DNAH12: variants seen among roughly 807,000 people sequenced by gnomAD.
The protein encoded by DNAH12 is dynein axonemal heavy chain 12.
Under a neutral mutation model 371.5 loss-of-function variants are expected in DNAH12, and 285 were observed. That is an observed-to-expected ratio of 0.77 (90% CI 0.70 to 0.85). DNAH12 has a LOEUF of 0.85. Among genes scored for constraint, DNAH12 ranks in the 40% least tolerant of loss-of-function variants. The pLI, the probability that DNAH12 is intolerant of heterozygous loss-of-function variation, is 0.00. For missense variants in DNAH12, 3,611 were observed against 3,689.4 expected (o/e 0.98, Z 0.55); for synonymous variants, 1,200 against 1,213.0 (o/e 0.99, Z 0.22).
chr3:57,315,103 G>A (rs904627235), intron 65 of DNAH12, among the ~76,000 whole-genome samples: 3 of 151,994 alleles, frequency 2.0e-5, no homozygotes, highest in African/African-American at 7.2e-5. Flanking sequence ...TATTTGATCT[G>A]CTTTGTGGCA....
rs1486011941 is a variant in DNAH12, at chr3:57,433,711, T to A, written c.4773A>T (p.Arg1591Ser). 27 of 1,551,430 alleles carry A rather than the reference T, an allele frequency of 1.7e-5. No individual in the cohort carries two copies. The highest frequency in any genetic ancestry group is 2.4e-5 in the Non-Finnish European group (27 of 1,146,940). Reference sequence around the variant, plus strand: ...TAGTAATAGATTTGGGGTTTACAGTTCTATAAATGACCTTTTCTTCCTCTC... The same window carrying A: ...TAGTAATAGATTTGGGGTTTACAGTACTATAAATGACCTTTTCTTCCTCTC... ...GYGEEEKVIY[R>S]TVNPKSITMG... is the part of the protein sequence containing the mutation. Residue 1591 changes from arginine to serine, a missense_variant, in exon 31 of 74, where the codon AGA (arginine) becomes AGT (serine). Transcript: ENST00000495027.
chr3:57,390,577 A>AT (rs1369221529), intron 45 of DNAH12, among the ~76,000 whole-genome samples: 5 of 148,360 alleles, frequency 3.4e-5, no homozygotes, highest in African/African-American at 7.4e-5. Flanking sequence ...ACCAGAAACT[A>AT]TTTTTTTTCT....
In DNAH12 at chr3:57,413,775, T is replaced by C. The variant is rs1553683749; in HGVS notation, c.5991A>G (p.Leu1997=). ...EKYGAQPPIE[L]LRQFFDCGHW... ...GTCCACAGTCAAAAAACTGTCGTAATAATTCAATAGGTGGTTGAGCTCCAT... is the reference window on the plus strand; with the variant it reads ...GTCCACAGTCAAAAAACTGTCGTAACAATTCAATAGGTGGTTGAGCTCCAT... Residue 1997 remains leucine, a synonymous_variant, in exon 39 of 74, where the codon TTA becomes TTG. Coordinates refer to ENST00000495027, the MANE Select transcript of DNAH12 (RefSeq NM_001366028.2). The C allele has an allele frequency of 2.6e-6, 4 of 1,551,074 alleles. No individual in the cohort carries two copies. The highest frequency in any genetic ancestry group is 1.2e-5 in the South Asian group (1 of 83,908).
intron 20 of DNAH12, 132 bp from the exon 21 acceptor site, chr3:57,458,352 A>C (rs1292093097): frequency 8.2e-7 from 1 of 1,214,022 alleles, no homozygotes; most frequent in African/African-American, 1.6e-5. Context: ...AGGTTTATAA[A>C]ATTTGCAATG....
chr3:57,302,577 T>A (rs1377071634), intron 69 of DNAH12, among the ~76,000 whole-genome samples: 19 of 90,418 alleles, frequency 2.1e-4, no homozygotes, highest in African/African-American at 6.9e-4. Flanking sequence ...ATTTTTTTTT[T>A]TTTTTTTTTT....
intron 62 of DNAH12, among the ~76,000 whole-genome samples, chr3:57,325,479 CT>C (rs1372822184): frequency 1.3e-5 from 2 of 152,200 alleles, no homozygotes; most frequent in Non-Finnish European, 2.9e-5. Context: ...GAGTGGACCT[CT>C]AGCAAACTCC....
At chr3:57,391,794 A>G (rs2063628826) in intron 45 of DNAH12, 78 bp downstream of exon 45, 1 of 152,196 alleles carries the variant, frequency 6.6e-6, no homozygotes, top group Non-Finnish European at 1.5e-5. Context: ...AATGTATATT[A>G]ATAAAGTTTT....
At chr3:57,404,788 T>C (rs1002924169) in intron 42 of DNAH12, among the ~76,000 whole-genome samples, 181 bp downstream of exon 42, 2 of 152,186 alleles carry the variant, frequency 1.3e-5, no homozygotes, top group Non-Finnish European at 2.9e-5. Context: ...CAGGATGCAG[T>C]GAGACAGGGT....
Position 57,485,814 on chromosome 3 carries a change from G to A in DNAH12, c.1515-2303C>T, listed in dbSNP as rs879335315. On this transcript the variant is annotated intron_variant, in intron 12 of 73. Transcript: ENST00000495027. ...GCAAAAGAGTAATATAATGGACTTCGGGGACTCGGTGTGGGGAAGGCTGAG... is the reference window on the plus strand; with the variant it reads ...GCAAAAGAGTAATATAATGGACTTCAGGGACTCGGTGTGGGGAAGGCTGAG... Among the ~76,000 whole-genome samples, 8 of 152,122 alleles carry A rather than the reference G, an allele frequency of 5.3e-5. 1 individual carries two copies. The highest frequency in any genetic ancestry group is 4.1e-4 in the South Asian group (2 of 4,826).
chr3:57,393,102 CT>C (rs2063659804), intron 44 of DNAH12, among the ~76,000 whole-genome samples: 1 of 152,148 alleles, frequency 6.6e-6, no homozygotes, highest in South Asian at 2.1e-4. Flanking sequence ...TACATAAGTG[CT>C]TTATTTTGTT....
At chr3:57,381,660 G>A (rs931448543) in intron 50 of DNAH12, among the ~76,000 whole-genome samples, 3 of 151,774 alleles carry the variant, frequency 2.0e-5, no homozygotes, top group Admixed American at 2.0e-4. Flanking sequence ...CTGCTAGTGG[G>A]GTCCGGATTT....
chr3:57,443,336 C>T (rs1298134938), intron 29 of DNAH12, among the ~76,000 whole-genome samples: 5 of 152,122 alleles, frequency 3.3e-5, no homozygotes, highest in African/African-American at 1.2e-4. Flanking sequence ...TCTCAAACTC[C>T]TGATCCCAGG....
At position 57,502,553 on chromosome 3, in the gene DNAH12, T is replaced by TTC. The variant is rs67799624; in HGVS notation, c.1087-75_1087-74insGA. The TTC allele has an allele frequency of 1.4e-4, 185 of 1,321,130 alleles. 1 individual carries two copies. In the African/African-American group the frequency reaches 3.0e-3, roughly 21 times the overall value. 81.8% of individuals were successfully genotyped at this position (1,321,130 alleles called of 1,614,324 possible). A position where few individuals can be genotyped will look rare whatever the true frequency, so the allele number is the denominator to read the frequency against. On this transcript the variant is annotated intron_variant, in intron 9 of 73. Transcript: ENST00000495027. ...TATAATTAATCTATATGTAGATCTT[T>TTC]TTTTTTTTCCTTTGGAGACGGAGTC...
At chr3:57,515,535 A>G (rs536724518) in intron 4 of DNAH12, among the ~76,000 whole-genome samples, 4 of 152,248 alleles carry the variant, frequency 2.6e-5, no homozygotes, top group Non-Finnish European at 2.9e-5. Context: ...GCTTGAGCCC[A>G]GGAGTTCAAG....
chr3:57,529,390 G>A (rs1208651087), intron 2 of DNAH12, among the ~76,000 whole-genome samples: 2 of 152,074 alleles, frequency 1.3e-5, no homozygotes, highest in African/African-American at 2.4e-5. Context: ...GCTGGAAGAC[G>A]TTTTATTATG....
At chr3:57,355,288 T>A (rs1488746212) in intron 59 of DNAH12, among the ~76,000 whole-genome samples, 2 of 152,188 alleles carry the variant, frequency 1.3e-5, no homozygotes, top group East Asian at 3.8e-4. Flanking sequence ...AATCTTTTGG[T>A]ACAGGATTGA....
chr3:57,321,086 C>T (rs147250948), intron 65 of DNAH12, among the ~76,000 whole-genome samples: 2,039 of 152,248 alleles, frequency 0.013, 33 homozygotes, highest in Non-Finnish European at 0.019. Context: ...TAATCTGAGT[C>T]CCAAATTAGC....
At chr3:57,384,292 C>T (rs966603100) in intron 49 of DNAH12, among the ~76,000 whole-genome samples, 71 of 152,070 alleles carry the variant, frequency 4.7e-4, no homozygotes, top group African/African-American at 1.5e-3. Context: ...GGAGTCTATT[C>T]GTCTCATTCC....
intron 55 of DNAH12, among the ~76,000 whole-genome samples, chr3:57,371,669 GCACACACA>G (rs878975719): frequency 5.4e-5 from 8 of 147,258 alleles, no homozygotes; most frequent in South Asian, 4.4e-4. Context: ...CTCAAAACAC[GCACACACA>G]CACACACACA....
Sources: gnomAD v4.1 joint callset for allele counts (sites outside exome capture counted in the v4.1 genomes callset) on GRCh38, gnomAD v4.1.1 for gene constraint, MANE v1.5 for transcripts, NCBI Gene and HGNC (gene_info 2026-07-23, HGNC 2026-07-21) for gene names.